The following SS18 variants were observed in gnomAD, a reference collection of about 807,000 sequenced individuals.
The protein encoded by SS18 is SS18 subunit of BAF chromatin remodeling complex.
SS18 carries 28 observed loss-of-function variants against 72.5 expected under a neutral mutation model. That is an observed-to-expected ratio of 0.39 (90% CI 0.29 to 0.53). SS18 has a LOEUF of 0.53. SS18 is among the 20% of genes least tolerant of loss of function. The probability of loss-of-function intolerance (pLI) is 0.76; values close to 1 mark genes in which losing one functional copy is unlikely to be tolerated. For synonymous variants in SS18, 172 were observed against 164.2 expected (o/e 1.05, Z -0.37); for missense variants, 518 against 535.3 (o/e 0.97, Z 0.32).
intron 2 of SS18, among the ~76,000 whole-genome samples, chr18:26,084,377 T>C (rs2054581315): frequency 6.6e-6 from 1 of 152,216 alleles, no homozygotes. Context: ...CTTAAAGTGA[T>C]AACTATTTTA....
chr18:26,082,893 C>T (rs1568033507), intron 2 of SS18, among the ~76,000 whole-genome samples: 1 of 152,004 alleles, frequency 6.6e-6, no homozygotes, highest in Non-Finnish European at 1.5e-5. Flanking sequence ...AAAAAAAACA[C>T]AGTTTCAGGC....
At chr18:26,086,657 C>T (rs2054620680) in intron 2 of SS18, among the ~76,000 whole-genome samples, 1 of 152,168 alleles carries the variant, frequency 6.6e-6, no homozygotes, top group African/African-American at 2.4e-5. Flanking sequence ...TATTCTACCA[C>T]ATCAGATTCT....
Position 26,016,631 on chromosome 18 carries a change from G to C in SS18, c.*1723C>G, listed in dbSNP as rs2053256482. ...CCAGCTACTCAGGAGGCTGAGGCAG[G>C]AGAACTGCTTGAACCTGGGAGGCGG... On this transcript the variant is annotated 3_prime_UTR_variant, in exon 11 of 11. Transcript: ENST00000415083. 5.4e-6 allele frequency: 1 copy of C among 186,428 alleles called. No homozygotes were observed. The highest frequency in any genetic ancestry group is 1.1e-5 in the Non-Finnish European group (1 of 88,414). The allele number at this position is 186,428 out of a possible 1,614,324, so 11.5% of individuals were successfully genotyped here. A position where few individuals can be genotyped will look rare whatever the true frequency, so the allele number is the denominator to read the frequency against.
intron 10 of SS18, 105 bp downstream of exon 10, chr18:26,032,294 T>C (rs2053556855): frequency 7.6e-7 from 1 of 1,321,344 alleles, no homozygotes; most frequent in African/African-American, 1.5e-5. Context: ...CATTCCCTCA[T>C]GAGGGAAACA....
At chr18:26,034,907 A>G in intron 9 of SS18, 98 bp downstream of exon 9, 1 of 1,443,562 alleles carries the variant, frequency 6.9e-7, no homozygotes, top group Non-Finnish European at 9.3e-7. Flanking sequence ...TTTTCAAGTG[A>G]TAATTCTTGT....
chr18:26,082,734 A>C (rs1598613891), intron 2 of SS18, among the ~76,000 whole-genome samples: 1 of 152,372 alleles, frequency 6.6e-6, no homozygotes, highest in East Asian at 1.9e-4. Flanking sequence ...GTCTGCAGAG[A>C]GCGTTGATAA....
At position 26,052,811 on chromosome 18, in the gene SS18, G is replaced by A. The variant is rs1467411576; in HGVS notation, c.420C>T (p.Pro140=). Residue 140 remains proline (P), a synonymous_variant, in exon 5 of 11, where the codon CCC becomes CCT. Coordinates refer to ENST00000415083, the MANE Select transcript of SS18 (RefSeq NM_001007559.3). ...AACTGTTTGTCATATTGAGTTGATT[G>A]GGTCCAGGTCCCTGCATAGGCATAT... The part of the protein sequence containing the change: ...PNHMPMQGPG[P]NQLNMTNSSM... 6.2e-7 allele frequency: 1 copy of A among 1,614,136 alleles called. No homozygotes were observed. Among genetic ancestry groups the A allele is most frequent in the South Asian group, 1.1e-5 (1 of 91,084 alleles).
intron 4 of SS18, among the ~76,000 whole-genome samples, chr18:26,053,168 G>T (rs1191913013): frequency 1.3e-5 from 2 of 152,134 alleles, no homozygotes; most frequent in African/African-American, 4.8e-5. Context: ...CAGATCGATT[G>T]AACAGAACAG....
At chr18:26,046,191 CAAAAAAAAAAA>C in intron 5 of SS18, among the ~76,000 whole-genome samples, 1 of 45,098 alleles carries the variant, frequency 2.2e-5, no homozygotes, top group Non-Finnish European at 6.2e-5. Context: ...GACTCCGTCT[CAAAAAAAAAAA>C]AAAAAAAAAG....
intron 10 of SS18, among the ~76,000 whole-genome samples, chr18:26,026,884 A>G (rs1262019416): frequency 5.9e-5 from 9 of 152,226 alleles, no homozygotes; most frequent in Non-Finnish European, 1.3e-4. Context: ...CAATAGCATC[A>G]AAACACATAA....
intron 2 of SS18, among the ~76,000 whole-genome samples, chr18:26,085,675 AG>A (rs565275809): frequency 6.6e-6 from 1 of 152,218 alleles, no homozygotes; most frequent in African/African-American, 2.4e-5. Flanking sequence ...ACCCCTATGG[AG>A]GGGAAGGAGA....
intron 3 of SS18, among the ~76,000 whole-genome samples, chr18:26,062,567 T>C (rs2054142740): frequency 6.6e-6 from 1 of 152,180 alleles, no homozygotes; most frequent in Non-Finnish European, 1.5e-5. Flanking sequence ...ACATTAAATG[T>C]AAATGGACCC....
rs1262532253 is a variant in SS18, at chr18:26,017,055, T to A, written c.*1299A>T. ...ATAACCGTGGTTAGAAATTTTTCAA[T>A]GCATGCTTTCCTGCCCCACGCAATC... On this transcript the variant is annotated 3_prime_UTR_variant, in exon 11 of 11. Coordinates refer to ENST00000415083, the MANE Select transcript of SS18 (RefSeq NM_001007559.3). 4.5e-6 allele frequency: 1 copy of A among 223,100 alleles called. No homozygotes were observed. Among genetic ancestry groups the A allele is most frequent in the African/African-American group, 2.2e-5 (1 of 44,780 alleles). 13.8% of individuals were successfully genotyped at this position (223,100 alleles called of 1,614,324 possible).
chr18:26,060,771 C>CAAAAAAAAAAAAAAAAAAAAAAAAAAA (rs60999827), intron 3 of SS18, among the ~76,000 whole-genome samples: 1 of 39,606 alleles, frequency 2.5e-5, no homozygotes, highest in African/African-American at 6.9e-5. Context: ...CTAAAAATAC[C>CAAAAAAAAAAAAAAAAAAAAAAAAAAA]AAAAAAAAAA....
chr18:26,076,207 A>C (rs1052205241), intron 3 of SS18, among the ~76,000 whole-genome samples: 1 of 151,806 alleles, frequency 6.6e-6, no homozygotes, highest in Non-Finnish European at 1.5e-5. Context: ...TGTGTATATA[A>C]CCTGACATAC....
intron 3 of SS18, among the ~76,000 whole-genome samples, chr18:26,069,651 T>C (rs1245392868): frequency 6.6e-6 from 1 of 152,184 alleles, no homozygotes; most frequent in Non-Finnish European, 1.5e-5. Flanking sequence ...GACTATATGA[T>C]TATCTAGGTT....
intron 10 of SS18, among the ~76,000 whole-genome samples, chr18:26,021,894 G>A (rs1016351463): frequency 2.6e-5 from 4 of 152,122 alleles, no homozygotes; most frequent in East Asian, 1.9e-4. Context: ...CAGAGCTGTC[G>A]AGTAGGCATC....
upstream of SS18, chr18:26,090,741 G>C (rs947231247): frequency 2.4e-5 from 16 of 662,134 alleles, no homozygotes; most frequent in Middle Eastern, 9.8e-4. Context: ...CTCTGGCCAG[G>C]GATGTCTCGC....
intron 3 of SS18, among the ~76,000 whole-genome samples, chr18:26,069,884 AAATT>A (rs1314770925): frequency 7.2e-5 from 11 of 152,376 alleles, no homozygotes; most frequent in Middle Eastern, 3.4e-3. Flanking sequence ...GATAAAAAAT[AAATT>A]AACAGTAACT....
Sources: allele counts gnomAD v4.1 joint callset (sites outside exome capture counted in the v4.1 genomes callset), GRCh38; gene constraint gnomAD v4.1.1; transcripts MANE v1.5; gene names NCBI Gene and HGNC (gene_info 2026-07-23, HGNC 2026-07-21).